The following PATJ variants were observed in gnomAD, a reference collection of about 807,000 sequenced individuals.
PATJ encodes PATJ crumbs cell polarity complex component, also known as inaD-like protein.
Under a neutral mutation model 224.9 loss-of-function variants are expected in PATJ, and 190 were observed. That is an observed-to-expected ratio of 0.84 (90% CI 0.75 to 0.95). The LOEUF is 0.95. PATJ is among the 40% of genes least tolerant of loss of function. The pLI, the probability that PATJ is intolerant of heterozygous loss-of-function variation, is 0.00. For missense variants in PATJ, 2,121 were observed against 2,270.3 expected (o/e 0.93, Z 1.34); for synonymous variants, 769 against 820.3 (o/e 0.94, Z 1.07).
chr1:62,059,634 G>T (rs1197109783), intron 31 of PATJ, among the ~76,000 whole-genome samples: 2 of 151,892 alleles, frequency 1.3e-5, no homozygotes, highest in African/African-American at 4.8e-5. Context: ...AAAAGAATTG[G>T]TTAGATACTT....
intron 6 of PATJ, 28 bp downstream of exon 6, chr1:61,771,654 A>G (rs1236721349): frequency 7.0e-7 from 1 of 1,436,336 alleles, no homozygotes; most frequent in African/African-American, 1.5e-5. Context: ...AAAAATACTT[A>G]ATTTTGAATA....
chr1:62,090,866 G>A (rs1353196662), intron 33 of PATJ, among the ~76,000 whole-genome samples: 4 of 152,104 alleles, frequency 2.6e-5, no homozygotes, highest in African/African-American at 4.8e-5. Flanking sequence ...ATGTATACTC[G>A]TTGATTAGAA....
intron 9 of PATJ, 47 bp from the exon 10 acceptor site, chr1:61,795,420 C>A: frequency 8.7e-7 from 1 of 1,149,866 alleles, no homozygotes; most frequent in Non-Finnish European, 1.3e-6. Context: ...GCAATCAAGG[C>A]CTAATTAGAA....
chr1:62,075,491 C>T (rs923194586), intron 31 of PATJ, among the ~76,000 whole-genome samples: 11 of 152,142 alleles, frequency 7.2e-5, no homozygotes, highest in African/African-American at 2.2e-4. Context: ...ATAGATGGGG[C>T]GGTCAAGTGA....
chr1:62,108,290 A>G, intron 33 of PATJ, 147 bp from the exon 34 acceptor site: 6 of 495,918 alleles, frequency 1.2e-5, no homozygotes, highest in Non-Finnish European at 2.2e-5. Context: ...CTCTGAATAT[A>G]TCATAACTGT....
At chr1:61,833,865 A>T (rs1659744917) in intron 17 of PATJ, 80 bp downstream of exon 17, 1 of 1,306,496 alleles carries the variant, frequency 7.7e-7, no homozygotes, top group Admixed American at 2.3e-5. Flanking sequence ...ATTGTTTAAG[A>T]CCCCTATTGA....
At chr1:61,971,787 A>G (rs948297849) in intron 27 of PATJ, among the ~76,000 whole-genome samples, 13 of 151,814 alleles carry the variant, frequency 8.6e-5, no homozygotes, top group African/African-American at 3.1e-4. Flanking sequence ...TGATCCCAGG[A>G]GTTTGAGACC....
chr1:61,947,406 C>T (rs554725723), intron 27 of PATJ, among the ~76,000 whole-genome samples: 4 of 152,284 alleles, frequency 2.6e-5, no homozygotes, highest in Admixed American at 6.5e-5. Flanking sequence ...AAATCACAAG[C>T]ATTCTTATAC....
chr1:62,102,277 T>C (rs1344720534), intron 33 of PATJ, among the ~76,000 whole-genome samples: 4 of 152,200 alleles, frequency 2.6e-5, no homozygotes, highest in Non-Finnish European at 5.9e-5. Flanking sequence ...CTTACTTACA[T>C]TTCTGTTGTC....
chr1:61,821,009 A>C (rs1467997415), intron 14 of PATJ, among the ~76,000 whole-genome samples: 2 of 152,164 alleles, frequency 1.3e-5, no homozygotes, highest in Non-Finnish European at 2.9e-5. Flanking sequence ...AGGAAGAAAG[A>C]AAGCACAAGA....
At chr1:61,920,225 G>C (rs968352959) in intron 26 of PATJ, among the ~76,000 whole-genome samples, 5 of 152,098 alleles carry the variant, frequency 3.3e-5, no homozygotes, top group Non-Finnish European at 7.4e-5. Flanking sequence ...TTAAACATCT[G>C]TTTCACCCAC....
intron 17 of PATJ, among the ~76,000 whole-genome samples, chr1:61,841,869 G>A (rs1661152670): frequency 6.6e-6 from 1 of 152,126 alleles, no homozygotes; most frequent in Admixed American, 6.5e-5. Flanking sequence ...AAGTTCCAGT[G>A]CCAACTGGGC....
chr1:62,044,184 C>CTG (rs1344682050), intron 30 of PATJ, among the ~76,000 whole-genome samples: 1 of 152,190 alleles, frequency 6.6e-6, no homozygotes, highest in Non-Finnish European at 1.5e-5. Context: ...TTGTTATTAA[C>CTG]TGTGGTCACC....
Position 61,769,374 on chromosome 1 carries a change from A to C in PATJ, c.476A>C (p.Lys159Thr). 6.2e-7 allele frequency: 1 copy of C among 1,614,110 alleles called. No individual in the cohort carries two copies. The highest frequency in any genetic ancestry group is 8.5e-7 in the Non-Finnish European group (1 of 1,180,016). ...GCCCTCAGAAGTCAAAATCTCGGAA[A>C]AGTTGATATCTTCGTGAAGGATGTC... Reference protein sequence around the residue: ...VVALRSQNLGKVDIFVKDVQP... With the variant: ...VVALRSQNLGTVDIFVKDVQP... The change falls in exon 5 of 44, where the codon AAA becomes ACA. Residue 159 changes from lysine to threonine, a missense_variant. By Grantham distance (78) the Lys-to-Thr change is moderately conservative. Coordinates refer to ENST00000642238, the MANE Select transcript of PATJ (RefSeq NM_001350145.3).
intron 17 of PATJ, among the ~76,000 whole-genome samples, chr1:61,835,639 A>G (rs1409296975): frequency 6.6e-6 from 1 of 152,136 alleles, no homozygotes; most frequent in African/African-American, 2.4e-5. Context: ...CCTGACCTCA[A>G]GTGATTCCCC....
At chr1:61,843,354 C>G (rs761937993) in intron 17 of PATJ, among the ~76,000 whole-genome samples, 26 of 152,154 alleles carry the variant, frequency 1.7e-4, no homozygotes, top group Non-Finnish European at 3.4e-4. Context: ...CTTTGGCAAG[C>G]TTGTTAGTCT....
chr1:62,063,495 T>C (rs1321655295), intron 31 of PATJ, among the ~76,000 whole-genome samples: 1 of 152,206 alleles, frequency 6.6e-6, no homozygotes, highest in Non-Finnish European at 1.5e-5. Flanking sequence ...TTAGGCCCTT[T>C]TTTGGTGCCA....
At chr1:62,103,758 CAAAAA>C (rs751774297) in intron 33 of PATJ, among the ~76,000 whole-genome samples, 1 of 108,702 alleles carries the variant, frequency 9.2e-6, no homozygotes. Flanking sequence ...TGTCTCAACC[CAAAAA>C]AAAAAAAAAA....
chr1:61,867,521 T>C (rs1157001672), intron 20 of PATJ, among the ~76,000 whole-genome samples: 1 of 138,786 alleles, frequency 7.2e-6, no homozygotes, highest in East Asian at 2.1e-4. Flanking sequence ...CAAATGTATA[T>C]TTATAATATT....
Sources: allele counts gnomAD v4.1 joint callset (sites outside exome capture counted in the v4.1 genomes callset), GRCh38; gene constraint gnomAD v4.1.1; transcripts MANE v1.5; gene names NCBI Gene and HGNC (gene_info 2026-07-23, HGNC 2026-07-21).